The following NWD2 variants were observed in gnomAD, a reference collection of about 807,000 sequenced individuals.
NWD2 encodes the protein NACHT and WD repeat domain-containing protein 2.
A neutral mutation model predicts 132.7 loss-of-function variants in NWD2; 37 were observed. The ratio of observed to expected loss-of-function variants is 0.28; its 90% CI spans 0.21 to 0.37. The LOEUF is 0.37. NWD2 is among the 10% of genes least tolerant of loss of function. NWD2 has a pLI of 1.00. For synonymous variants in NWD2, 705 were observed against 803.0 expected (o/e 0.88, Z 2.06); for missense variants, 1,592 against 2,122.4 (o/e 0.75, Z 4.91).
At chr4:37,334,071 C>G (rs1319600312) in intron 2 of NWD2, among the ~76,000 whole-genome samples, 2 of 151,910 alleles carry the variant, frequency 1.3e-5, no homozygotes, top group Non-Finnish European at 2.9e-5. Flanking sequence ...TAGAAAATAG[C>G]CTCAAAAGGG....
chr4:37,313,064 A>T (rs1183452334), intron 1 of NWD2, among the ~76,000 whole-genome samples: 1 of 151,178 alleles, frequency 6.6e-6, no homozygotes, highest in East Asian at 1.9e-4. Flanking sequence ...ATCAATGTTC[A>T]TCAAGGATAT....
chr4:37,308,716 T>C (rs1336951508), intron 1 of NWD2, among the ~76,000 whole-genome samples: 1 of 152,012 alleles, frequency 6.6e-6, no homozygotes. Flanking sequence ...TGGCAGCAAT[T>C]CTCAGGTGAG....
chr4:37,336,950 A>C (rs1316405661), intron 2 of NWD2, among the ~76,000 whole-genome samples: 1 of 114,308 alleles, frequency 8.7e-6, no homozygotes, highest in African/African-American at 3.0e-5. Context: ...ATCTCAAAAA[A>C]AGAAAAAAAA....
At chr4:37,297,866 A>G (rs959322141) in intron 1 of NWD2, among the ~76,000 whole-genome samples, 4 of 152,112 alleles carry the variant, frequency 2.6e-5, no homozygotes, top group Admixed American at 2.6e-4. Flanking sequence ...GGTTTGTTCC[A>G]TTTCTAGTAA....
intron 1 of NWD2, among the ~76,000 whole-genome samples, chr4:37,275,532 C>T (rs1717991072): frequency 6.6e-6 from 1 of 152,120 alleles, no homozygotes; most frequent in South Asian, 2.1e-4. Flanking sequence ...ATGCCATCCC[C>T]ATCAATCTAC....
chr4:37,252,090 G>A (rs996375288), intron 1 of NWD2, among the ~76,000 whole-genome samples: 1 of 152,186 alleles, frequency 6.6e-6, no homozygotes, highest in Non-Finnish European at 1.5e-5. Context: ...TGGCTTTCCC[G>A]ATAATGAATA....
In NWD2 at chr4:37,336,878, G is replaced by T. The variant is rs191965361; in HGVS notation, c.240+10854G>T. On this transcript the variant is annotated intron_variant, in intron 2 of 6. Transcript: ENST00000309447. ...CGCTTGAAACTGGAAGGCGGAGGTT[G>T]CAGTGGGCCGAGATCAAGATCGCAC... is the stretch of plus-strand genomic sequence containing the variant. 3.8e-3 allele frequency among the ~76,000 whole-genome samples: 566 copies of T among 148,916 alleles called. 2 individuals are homozygous for T. Among genetic ancestry groups the T allele is most frequent in the African/African-American group, 0.013 (528 of 40,636 alleles).
At chr4:37,277,816 A>T (rs1577653223) in intron 1 of NWD2, among the ~76,000 whole-genome samples, 1 of 152,116 alleles carries the variant, frequency 6.6e-6, no homozygotes, top group Non-Finnish European at 1.5e-5. Flanking sequence ...TCTAGTTAAC[A>T]TATTGTAATA....
At position 37,414,524 on chromosome 4, in the gene NWD2, G is replaced by T. The variant is rs1180371050; in HGVS notation, c.358-16048G>T. 2.0e-5 allele frequency among the ~76,000 whole-genome samples: 3 copies of T among 151,108 alleles called. No individual in the cohort carries two copies. In the East Asian group the frequency reaches 5.8e-4, roughly 29 times the overall value. The stretch of plus-strand genomic sequence containing the variant: ...GATAAATTACCTTTATGCTCCAGAA[G>T]TCGCTGTAACAAGACTCTGCTAAAG... On this transcript the variant is annotated intron_variant, in intron 3 of 6. Transcript: ENST00000309447.
At chr4:37,386,338 C>A (rs759700781) in intron 3 of NWD2, among the ~76,000 whole-genome samples, 3 of 152,106 alleles carry the variant, frequency 2.0e-5, no homozygotes, top group Non-Finnish European at 4.4e-5. Flanking sequence ...ATTTATAGGT[C>A]TTTTCCTAGC....
At chr4:37,360,431 T>C (rs1431962439) in intron 3 of NWD2, among the ~76,000 whole-genome samples, 1 of 152,238 alleles carries the variant, frequency 6.6e-6, no homozygotes, top group Non-Finnish European at 1.5e-5. Flanking sequence ...CTTATGTGTA[T>C]ATTAATAAAA....
chr4:37,363,774 G>C (rs984492328), intron 3 of NWD2, among the ~76,000 whole-genome samples: 2 of 152,098 alleles, frequency 1.3e-5, no homozygotes, highest in East Asian at 1.9e-4. Flanking sequence ...ATACAGCCAG[G>C]TAACAAACCT....
rs565658388 is a variant in NWD2 at position 37,346,106 on chromosome 4, A to C, written c.241-10260A>C. ...CAAAAAAAAAAAAAAAAAACCTACT[A>C]CTCCTATGTTTTTCCCTTAGGAGTT... On this transcript the variant is annotated intron_variant, in intron 2 of 6. Transcript: ENST00000309447. 8.7e-5 allele frequency among the ~76,000 whole-genome samples: 13 copies of C among 149,348 alleles called. No individual in the cohort carries two copies. The South Asian group carries it at 2.5e-3, about 29-fold the overall frequency.
At position 37,430,427 on chromosome 4, in the gene NWD2, A is replaced by C. The variant is rs1034575978; in HGVS notation, c.358-145A>C. ...TCTAATTTTACTTAGGAAATCAACT[A>C]TCCACTGTGACCAAAAGAGAAAACT... On this transcript the variant is annotated intron_variant, in intron 3 of 6. Coordinates refer to ENST00000309447, the MANE Select transcript of NWD2 (RefSeq NM_001144990.2). 1.0e-4 allele frequency: 64 copies of C among 635,150 alleles called. 1 individual carries two copies. The highest frequency in any genetic ancestry group is 1.2e-4 in the Non-Finnish European group (45 of 366,118). 39.3% of individuals were successfully genotyped at this position (635,150 alleles called of 1,614,324 possible).
chr4:37,439,298 C>T lies in NWD2; in HGVS notation c.1204C>T (p.Leu402Phe). The change falls in exon 6 of 7, where the codon CTT becomes TTT. Residue 402 changes from leucine to phenylalanine, a missense_variant. Leu to Phe is a conservative substitution (Grantham distance 22). Coordinates refer to ENST00000309447, the MANE Select transcript of NWD2 (RefSeq NM_001144990.2). This position sits in a 1 kb window ranked among gnomAD's most constrained non-coding sequence, Gnocchi z 4.5. The stretch of plus-strand genomic sequence containing the variant: ...TCTAAACATAGTGCATAACTACATT[C>T]TTCCAAGCAAAGCTGGACACATCAA... ...ESLNIVHNYI[L>F]PSKAGHINPL... 4 of 1,550,886 alleles carry T rather than the reference C, an allele frequency of 2.6e-6. No individual in the cohort carries two copies. The highest frequency in any genetic ancestry group is 3.5e-6 in the Non-Finnish European group (4 of 1,146,808).
At chr4:37,264,844 T>A (rs1717715718) in intron 1 of NWD2, among the ~76,000 whole-genome samples, 1 of 152,120 alleles carries the variant, frequency 6.6e-6, no homozygotes, top group Admixed American at 6.6e-5. Context: ...CATTGTCTAA[T>A]CAAAATGACA....
At chr4:37,386,267 TAC>T (rs35363059) in intron 3 of NWD2, among the ~76,000 whole-genome samples, 24 of 150,306 alleles carry the variant, frequency 1.6e-4, no homozygotes, top group African/African-American at 5.6e-4. Context: ...TAAACTACAG[TAC>T]ACACACACAC....
chr4:37,359,597 A>G (rs1361783392), intron 3 of NWD2, among the ~76,000 whole-genome samples: 1 of 135,522 alleles, frequency 7.4e-6, no homozygotes, highest in Non-Finnish European at 1.7e-5. Flanking sequence ...CCACTGCTGA[A>G]TGAAAAAAAA....
At chr4:37,246,814 G>C (rs925212333) in intron 1 of NWD2, among the ~76,000 whole-genome samples, 1 of 152,092 alleles carries the variant, frequency 6.6e-6, no homozygotes, top group African/African-American at 2.4e-5. Flanking sequence ...CTTTAAACTT[G>C]TGGCTTCTAA....
Sources: gnomAD v4.1 joint callset for allele counts (sites outside exome capture counted in the v4.1 genomes callset) on GRCh38, gnomAD v4.1.1 for gene constraint, Gnocchi (gnomAD v3.1) non-coding constraint, MANE v1.5 for transcripts, NCBI Gene and HGNC (gene_info 2026-07-23, HGNC 2026-07-21) for gene names.